The following UNC5D variants were observed in gnomAD, a reference collection of about 807,000 sequenced individuals.
UNC5D encodes the protein unc-5 netrin receptor D.
UNC5D carries 39 observed loss-of-function variants against 105.4 expected under a neutral mutation model. That is an observed-to-expected ratio of 0.37 (90% confidence interval 0.29 to 0.48). The LOEUF (loss-of-function observed/expected upper bound fraction) is 0.48. Ranked by LOEUF, UNC5D falls within the 20% of genes least tolerant of loss-of-function variation. The pLI is 0.98. For synonymous variants in UNC5D, 452 were observed against 450.4 expected (o/e 1.00, Z -0.04); for missense variants, 991 against 1,202.4 (o/e 0.82, Z 2.60).
intron 1 of UNC5D, among the ~76,000 whole-genome samples, chr8:35,547,556 C>T (rs1050625689): frequency 3.9e-5 from 6 of 152,242 alleles, no homozygotes; most frequent in Non-Finnish European, 7.3e-5. Context: ...GCCTAGCCCT[C>T]TCAAAGTGTT....
At chr8:35,659,574 A>T (rs1823986472) in intron 4 of UNC5D, among the ~76,000 whole-genome samples, 1 of 152,188 alleles carries the variant, frequency 6.6e-6, no homozygotes, top group Admixed American at 6.5e-5. Context: ...GTTTAACTTG[A>T]ATCTTTAAGG....
At chr8:35,645,731 C>G (rs1255039728) in intron 4 of UNC5D, among the ~76,000 whole-genome samples, 1 of 151,972 alleles carries the variant, frequency 6.6e-6, no homozygotes, top group Admixed American at 6.6e-5. Context: ...TATAAAATGG[C>G]AGGGCAAAGG....
intron 1 of UNC5D, among the ~76,000 whole-genome samples, chr8:35,306,213 A>ATGTG (rs766977962): frequency 2.7e-5 from 4 of 150,720 alleles, no homozygotes; most frequent in Admixed American, 6.6e-5. Flanking sequence ...GGAATCGGCG[A>ATGTG]TGTGTGTGTG....
intron 4 of UNC5D, among the ~76,000 whole-genome samples, chr8:35,677,252 A>T (rs1247096091): frequency 6.6e-6 from 1 of 152,180 alleles, no homozygotes; most frequent in African/African-American, 2.4e-5. Flanking sequence ...ATCATTTTTT[A>T]AAAATACCCA....
chr8:35,382,714 G>A (rs1312556567), intron 1 of UNC5D, among the ~76,000 whole-genome samples: 1 of 152,166 alleles, frequency 6.6e-6, no homozygotes, highest in Admixed American at 6.5e-5. Context: ...GGCTCCTGCT[G>A]TCATATCTCA....
intron 1 of UNC5D, among the ~76,000 whole-genome samples, chr8:35,261,703 T>C (rs1435819269): frequency 6.6e-6 from 1 of 152,114 alleles, no homozygotes; most frequent in Non-Finnish European, 1.5e-5. Context: ...GTTGCCCTTA[T>C]ACTGAAAGCA....
chr8:35,786,499 G>C (rs1384799883), intron 16 of UNC5D, among the ~76,000 whole-genome samples: 6 of 152,214 alleles, frequency 3.9e-5, no homozygotes, highest in African/African-American at 1.4e-4. Context: ...CTTGAGGCAG[G>C]TGTACTCACC....
At chr8:35,537,181 C>A (rs1026329456) in intron 1 of UNC5D, among the ~76,000 whole-genome samples, 2 of 152,038 alleles carry the variant, frequency 1.3e-5, no homozygotes, top group South Asian at 4.1e-4. Flanking sequence ...ATAAACAATT[C>A]AGAAGGTAAA....
intron 1 of UNC5D, among the ~76,000 whole-genome samples, chr8:35,283,381 A>G (rs1476915834): frequency 6.6e-6 from 1 of 152,158 alleles, no homozygotes; most frequent in Non-Finnish European, 1.5e-5. Context: ...AACATTAAAG[A>G]ACCCTATTAG....
In UNC5D at chr8:35,496,280, G is replaced by C. The variant is rs556008972; in HGVS notation, c.104-53012G>C. ...CTGGAAAGAGAGGAGCTAGAGTCAT[G>C]CTGAATTGCTGAGGTCAATTTAAGG... On this transcript the variant is annotated intron_variant, in intron 1 of 16. Coordinates refer to ENST00000404895, the MANE Select transcript of UNC5D (RefSeq NM_080872.4). 5.5e-3 allele frequency among the ~76,000 whole-genome samples: 845 copies of C among 152,264 alleles called. 2 individuals carry two copies. The highest frequency in any genetic ancestry group is 9.7e-3 in the Non-Finnish European group (662 of 68,008).
intron 4 of UNC5D, among the ~76,000 whole-genome samples, chr8:35,617,131 C>T (rs1821076589): frequency 6.6e-6 from 1 of 152,126 alleles, no homozygotes; most frequent in Non-Finnish European, 1.5e-5. Context: ...GTTTCTTAGG[C>T]TGAGCTTATT....
chr8:35,243,285 TCAGA>T (rs1802905013), intron 1 of UNC5D, among the ~76,000 whole-genome samples: 1 of 152,158 alleles, frequency 6.6e-6, no homozygotes, highest in Admixed American at 6.5e-5. Context: ...CAATTTTAAC[TCAGA>T]CAAACAGCCA....
At chr8:35,713,044 A>AT (rs142422954) in intron 8 of UNC5D, among the ~76,000 whole-genome samples, 4,557 of 149,748 alleles carry the variant, frequency 0.03, 232 homozygotes, top group African/African-American at 0.1. Context: ...CAACATTTGT[A>AT]TTTTTTTTTT....
intron 4 of UNC5D, among the ~76,000 whole-genome samples, chr8:35,616,188 A>T (rs1821014438): frequency 6.6e-6 from 1 of 152,360 alleles, no homozygotes; most frequent in East Asian, 1.9e-4. Flanking sequence ...ACTCAAGGGC[A>T]TAGGTAGATA....
intron 4 of UNC5D, among the ~76,000 whole-genome samples, chr8:35,654,238 A>G (rs28755800): frequency 0.17 from 25,678 of 152,190 alleles, 4,813 homozygotes; most frequent in African/African-American, 0.47. Context: ...TAATGCATCT[A>G]TCAATGAATT....
intron 11 of UNC5D, among the ~76,000 whole-genome samples, chr8:35,737,285 TGTGTGTGTGTGTGTG>T (rs1563720906): frequency 2.5e-4 from 38 of 149,944 alleles, no homozygotes; most frequent in Middle Eastern, 3.4e-3. Context: ...TGTGTGTGTG[TGTGTGTGTGTGTGTG>T]TTAATGTGTG....
intron 1 of UNC5D, among the ~76,000 whole-genome samples, chr8:35,542,860 G>A (rs1815371939): frequency 6.6e-6 from 1 of 152,210 alleles, no homozygotes; most frequent in South Asian, 2.1e-4. Context: ...TCATAGGGAT[G>A]ATAATTGTAA....
chr8:35,430,524 G>A (rs1334077884), intron 1 of UNC5D, among the ~76,000 whole-genome samples: 1 of 152,116 alleles, frequency 6.6e-6, no homozygotes, highest in Non-Finnish European at 1.5e-5. Flanking sequence ...AAGCACAAAT[G>A]AAACAACCTG....
intron 4 of UNC5D, among the ~76,000 whole-genome samples, chr8:35,652,722 G>A (rs1448314376): frequency 6.6e-6 from 1 of 151,324 alleles, no homozygotes; most frequent in Non-Finnish European, 1.5e-5. Context: ...TAGATATTAA[G>A]TGTTGAGTAC....
Sources: gnomAD v4.1 joint callset for allele counts (sites outside exome capture counted in the v4.1 genomes callset) on GRCh38, gnomAD v4.1.1 for gene constraint, MANE v1.5 for transcripts, NCBI Gene and HGNC (gene_info 2026-07-23, HGNC 2026-07-21) for gene names.